Variants in ADARB2 observed in about 807,000 individuals in gnomAD.
The protein encoded by ADARB2 is adenosine deaminase RNA specific B2 (inactive).
A neutral mutation model predicts 62.2 loss-of-function variants in ADARB2; 25 were observed. The ratio of observed to expected loss-of-function variants is 0.40; its 90% CI spans 0.29 to 0.56. The LOEUF is 0.56. ADARB2 is among the 20% of genes least tolerant of loss of function. The probability of loss-of-function intolerance (pLI) is 0.43; values close to 1 mark genes in which losing one functional copy is unlikely to be tolerated. For synonymous variants in ADARB2, 572 were observed against 500.8 expected, an observed-to-expected ratio of 1.14 and a Z score of -1.90; for missense variants, 1,071 against 1,077.4, an observed-to-expected ratio of 0.99 and a Z score of 0.08.
intron 3 of ADARB2, among the ~76,000 whole-genome samples, chr10:1,328,427 C>T (rs2131832438): frequency 6.6e-6 from 1 of 152,262 alleles, no homozygotes; most frequent in Admixed American, 6.5e-5. Flanking sequence ...AGACACCACG[C>T]CAATGTGATG....
intron 1 of ADARB2, among the ~76,000 whole-genome samples, chr10:1,429,141 C>T (rs1256653241): frequency 3.3e-5 from 5 of 152,078 alleles, no homozygotes; most frequent in South Asian, 2.1e-4. Flanking sequence ...GGAGGGAAGC[C>T]GGGTATGAGG....
intron 1 of ADARB2, among the ~76,000 whole-genome samples, chr10:1,414,442 C>T (rs970072909): frequency 1.3e-5 from 2 of 152,164 alleles, no homozygotes; most frequent in African/African-American, 4.8e-5. Context: ...ATCCAGGGCT[C>T]GTGGCTCTGG....
At chr10:1,598,137 G>A (rs1420821412) in intron 1 of ADARB2, among the ~76,000 whole-genome samples, 1 of 152,220 alleles carries the variant, frequency 6.6e-6, no homozygotes, top group Admixed American at 6.5e-5. Context: ...GGCAGAGGTG[G>A]GGGCATGAGC....
intron 1 of ADARB2, among the ~76,000 whole-genome samples, chr10:1,644,387 T>C (rs992783373): frequency 1.3e-5 from 2 of 152,276 alleles, no homozygotes; most frequent in Non-Finnish European, 2.9e-5. Flanking sequence ...GTATGTTACA[T>C]GCAAAACAAA....
At chr10:1,712,901 A>G (rs543924043) in intron 1 of ADARB2, among the ~76,000 whole-genome samples, 3 of 152,010 alleles carry the variant, frequency 2.0e-5, no homozygotes, top group South Asian at 4.2e-4. Context: ...GAGCCACAGC[A>G]CCCGGCCACC....
intron 6 of ADARB2, among the ~76,000 whole-genome samples, chr10:1,229,489 T>C (rs371521124): frequency 6.6e-6 from 1 of 152,206 alleles, no homozygotes; most frequent in African/African-American, 2.4e-5. Flanking sequence ...ATACTTACTA[T>C]CATGATTATT....
chr10:1,668,023 T>TG (rs1227887931), intron 1 of ADARB2, among the ~76,000 whole-genome samples: 5 of 152,188 alleles, frequency 3.3e-5, no homozygotes, highest in African/African-American at 7.2e-5. Context: ...GGTTGGGTCC[T>TG]GTGAGCCCTC....
In ADARB2 at chr10:1,469,231, T is replaced by G. The variant is rs1465048247; in HGVS notation, c.101-90071A>C. On this transcript the variant is annotated intron_variant, in intron 1 of 9. Coordinates refer to ENST00000381312, the MANE Select transcript of ADARB2 (RefSeq NM_018702.4). Reference sequence around the variant, plus strand: ...AACTAACAGAGCAGCACCTCCCCAGTGCCCCCTGCAAAGCACCGCGGTCTG... The same window carrying G: ...AACTAACAGAGCAGCACCTCCCCAGGGCCCCCTGCAAAGCACCGCGGTCTG... 2.0e-5 allele frequency among the ~76,000 whole-genome samples: 3 copies of G among 152,074 alleles called. No homozygotes were observed. The South Asian group carries it at 6.2e-4, about 32-fold the overall frequency.
chr10:1,574,234 G>A (rs906886042), intron 1 of ADARB2, among the ~76,000 whole-genome samples: 2 of 152,208 alleles, frequency 1.3e-5, no homozygotes, highest in Admixed American at 1.3e-4. Context: ...CAGCATGAAG[G>A]AAACAGCCGG....
chr10:1,697,466 C>T (rs1156750176), intron 1 of ADARB2, among the ~76,000 whole-genome samples: 1 of 152,050 alleles, frequency 6.6e-6, no homozygotes, highest in Non-Finnish European at 1.5e-5. Context: ...CATCGATGCA[C>T]AAGACGGTGA....
intron 1 of ADARB2, among the ~76,000 whole-genome samples, chr10:1,515,598 C>T (rs1453550547): frequency 6.6e-6 from 1 of 152,192 alleles, no homozygotes; most frequent in African/African-American, 2.4e-5. Context: ...CAGAGTGACC[C>T]CGTTCTTGGA....
chr10:1,554,968 C>A (rs1331047532), intron 1 of ADARB2, among the ~76,000 whole-genome samples: 1 of 152,146 alleles, frequency 6.6e-6, no homozygotes, highest in East Asian at 1.9e-4. Flanking sequence ...CGGATCAGAA[C>A]ATGCACTATT....
intron 1 of ADARB2, among the ~76,000 whole-genome samples, chr10:1,662,930 G>A (rs1834268177): frequency 6.6e-6 from 1 of 152,202 alleles, no homozygotes; most frequent in Non-Finnish European, 1.5e-5. Flanking sequence ...GGGAGCATCA[G>A]CAGAACGCCA....
intron 1 of ADARB2, among the ~76,000 whole-genome samples, chr10:1,661,099 AT>A (rs1279414470): frequency 6.6e-6 from 1 of 152,132 alleles, no homozygotes; most frequent in Non-Finnish European, 1.5e-5. Flanking sequence ...AAACCCTTAA[AT>A]ACCCTTAGTC....
chr10:1,256,792 A>AT (rs1831083292), intron 4 of ADARB2, among the ~76,000 whole-genome samples: 3 of 152,108 alleles, frequency 2.0e-5, no homozygotes, highest in East Asian at 1.9e-4. Flanking sequence ...ATAGATTGAA[A>AT]AGTCTATTAA....
chr10:1,284,130 T>A (rs1425845072), intron 3 of ADARB2, among the ~76,000 whole-genome samples: 4 of 152,058 alleles, frequency 2.6e-5, no homozygotes, highest in African/African-American at 7.3e-5. Context: ...CTTCTCAGGG[T>A]CAGACACGAT....
rs139668299 is a variant in ADARB2 at position 1,476,787 on chromosome 10, C to T, written c.101-97627G>A. Among the ~76,000 whole-genome samples, 39 of 152,238 alleles carry T rather than the reference C, an allele frequency of 2.6e-4. 1 individual carries two copies. In the East Asian group the frequency reaches 2.9e-3, roughly 11 times the overall value. ...GGCGTCCCCGTGCATCCAAGTCACC[C>T]GAGGCCAGCTGGATGGAAAGGGCCA... On this transcript the variant is annotated intron_variant, in intron 1 of 9. Coordinates refer to ENST00000381312, the MANE Select transcript of ADARB2 (RefSeq NM_018702.4).
chr10:1,573,088 G>T (rs757248589), intron 1 of ADARB2, among the ~76,000 whole-genome samples: 1 of 152,230 alleles, frequency 6.6e-6, no homozygotes, highest in Non-Finnish European at 1.5e-5. Context: ...TCAGAACAGG[G>T]CTTTGGGCTT....
intron 1 of ADARB2, among the ~76,000 whole-genome samples, chr10:1,520,185 T>C (rs1293803830): frequency 6.6e-6 from 1 of 152,248 alleles, no homozygotes; most frequent in Non-Finnish European, 1.5e-5. Context: ...CACATTTGCT[T>C]ACAGATTTTC....
Sources: allele counts gnomAD v4.1 joint callset (sites outside exome capture counted in the v4.1 genomes callset), GRCh38; gene constraint gnomAD v4.1.1; transcripts MANE v1.5; gene names NCBI Gene and HGNC (gene_info 2026-07-23, HGNC 2026-07-21).